Variants in DNAJC13 observed in about 807,000 individuals in gnomAD.
DNAJC13 encodes dnaJ homolog subfamily C member 13.
DNAJC13 carries 75 observed loss-of-function variants against 290.5 expected under a neutral mutation model. The observed-to-expected ratio is 0.26, with a 90% CI of 0.21 to 0.31. The LOEUF is 0.31. DNAJC13 is among the 10% of genes least tolerant of loss of function. The pLI is 1.00. For missense variants in DNAJC13, 2,260 were observed against 2,674.5 expected (o/e 0.85, Z 3.42); for synonymous variants, 862 against 892.0 (o/e 0.97, Z 0.60).
In DNAJC13 at chr3:132,522,900, G is replaced by A. The variant is rs1316193917; in HGVS notation, c.5746G>A (p.Val1916Ile). 6.2e-7 allele frequency: 1 copy of A among 1,613,410 alleles called. No individual in the cohort carries two copies. Among genetic ancestry groups the A allele is most frequent in the African/African-American group, 1.3e-5 (1 of 74,870 alleles). The change falls in exon 49 of 56, where the codon GTA becomes ATA. Residue 1916 changes from valine to isoleucine, a missense_variant. By Grantham distance (29) the Val-to-Ile change is conservative. Transcript: ENST00000260818. ...DAMRDNPEAA[V>I]HIFEGTHENP... is the part of the protein sequence containing the mutation. ...TATGAGAGACAATCCTGAAGCTGCT[G>A]TACATATTTTTGAAGGAACTCATGA...
chr3:132,471,877 T>TGG (rs1934278538), intron 20 of DNAJC13, among the ~76,000 whole-genome samples: 1 of 145,670 alleles, frequency 6.9e-6, no homozygotes, highest in Non-Finnish European at 1.5e-5. Flanking sequence ...CTCGGCACTT[T>TGG]GGGAGGCCAA....
At chr3:132,421,965 A>G (rs930692823) in intron 1 of DNAJC13, among the ~76,000 whole-genome samples, 1 of 152,098 alleles carries the variant, frequency 6.6e-6, no homozygotes, top group Non-Finnish European at 1.5e-5. Context: ...GGATTCATTC[A>G]TTATAAATAG....
chr3:132,531,476 A>C (rs1299571737), intron 55 of DNAJC13, among the ~76,000 whole-genome samples: 1 of 152,244 alleles, frequency 6.6e-6, no homozygotes, highest in African/African-American at 2.4e-5. Flanking sequence ...TAACAGATTA[A>C]AACTCCAAAT....
chr3:132,434,449 G>C (rs968326116), intron 1 of DNAJC13, 89 bp from the exon 2 acceptor site: 6 of 873,172 alleles, frequency 6.9e-6, no homozygotes, highest in African/African-American at 6.8e-5. Flanking sequence ...GAAAGTGAGA[G>C]AGCGATCTTG....
At chr3:132,431,121 G>C (rs1033866546) in intron 1 of DNAJC13, among the ~76,000 whole-genome samples, 1 of 152,208 alleles carries the variant, frequency 6.6e-6, no homozygotes, top group Non-Finnish European at 1.5e-5. Flanking sequence ...CATCAGGTTT[G>C]AAGTAGATAT....
At chr3:132,466,461 T>C (rs982615292) in intron 19 of DNAJC13, 67 bp downstream of exon 19, 6 of 1,286,674 alleles carry the variant, frequency 4.7e-6, no homozygotes, top group African/African-American at 1.5e-5. Context: ...ATGTCTTTTT[T>C]TGAAACACGT....
chr3:132,483,882 A>T (rs1164721180), intron 28 of DNAJC13, among the ~76,000 whole-genome samples: 1 of 152,224 alleles, frequency 6.6e-6, no homozygotes, highest in Non-Finnish European at 1.5e-5. Context: ...CAGTCCATAG[A>T]CAGTGGTGAA....
rs538583460 is a variant in DNAJC13 at position 132,449,125 on chromosome 3, G to A, written c.336+1186G>A. Among the ~76,000 whole-genome samples, 3 of 152,254 alleles carry A rather than the reference G, an allele frequency of 2.0e-5. No individual in the cohort carries two copies. The East Asian group carries it at 5.8e-4, about 29-fold the overall frequency. On this transcript the variant is annotated intron_variant, in intron 5 of 55. Transcript: ENST00000260818. ...ACATCAGGAGTAAGGGGCTCAAAGT[G>A]ACACCTGTATTGTCCTAATAACAAG...
At chr3:132,496,465 C>T (rs571563447) in intron 35 of DNAJC13, 63 bp from the exon 36 acceptor site, 1 of 1,415,590 alleles carries the variant, frequency 7.1e-7, no homozygotes, top group Admixed American at 2.2e-5. Flanking sequence ...AACCATATGT[C>T]TTGTTTAAGT....
At chr3:132,438,728 T>C (rs1179299075) in intron 2 of DNAJC13, among the ~76,000 whole-genome samples, 1 of 152,268 alleles carries the variant, frequency 6.6e-6, no homozygotes, top group African/African-American at 2.4e-5. Context: ...CATTATTACC[T>C]CACTTTATAG....
Position 132,468,954 on chromosome 3 carries a change from G to A in DNAJC13, c.2208+1641G>A, listed in dbSNP as rs1576478305. Among the ~76,000 whole-genome samples, 3 of 152,108 alleles carry A rather than the reference G, an allele frequency of 2.0e-5. No homozygotes were observed. The East Asian group carries it at 5.8e-4, about 29-fold the overall frequency. ...TATCCAGCATAAGCATGAACACAAA[G>A]CTCTAGTCTTAGCTAAAACTATGGA... On this transcript the variant is annotated intron_variant, in intron 20 of 55. Coordinates refer to ENST00000260818, the MANE Select transcript of DNAJC13 (RefSeq NM_015268.4).
intron 26 of DNAJC13, 66 bp from the exon 27 acceptor site, chr3:132,482,160 G>GT: frequency 2.9e-6 from 4 of 1,393,192 alleles, no homozygotes; most frequent in Non-Finnish European, 3.9e-6. Context: ...GTGCAACTTT[G>GT]TTTTACGACA....
chr3:132,456,953 G>T, intron 12 of DNAJC13, 121 bp downstream of exon 12: 1 of 1,123,796 alleles, frequency 8.9e-7, no homozygotes, highest in South Asian at 1.6e-5. Context: ...GGGTGATATG[G>T]TACTTTATTC....
chr3:132,487,342 C>T (rs1008114657), intron 29 of DNAJC13, among the ~76,000 whole-genome samples: 13 of 151,926 alleles, frequency 8.6e-5, no homozygotes, highest in African/African-American at 2.4e-4. Context: ...CTGCAACCTC[C>T]GCCTCCCGGG....
intron 48 of DNAJC13, among the ~76,000 whole-genome samples, chr3:132,517,623 C>T (rs375256733): frequency 9.9e-5 from 15 of 151,944 alleles, no homozygotes; most frequent in Non-Finnish European, 1.6e-4. Context: ...GAAGCCTATT[C>T]GGACTGATAT....
At chr3:132,500,727 C>T (rs953853998) in intron 38 of DNAJC13, 67 bp from the exon 39 acceptor site, 16 of 1,593,830 alleles carry the variant, frequency 1.0e-5, no homozygotes, top group Non-Finnish European at 1.4e-5. Flanking sequence ...GGTTTGATTT[C>T]TATGTGTTAA....
At chr3:132,500,011 G>T (rs983197741) in intron 38 of DNAJC13, among the ~76,000 whole-genome samples, 4 of 152,152 alleles carry the variant, frequency 2.6e-5, no homozygotes, top group Admixed American at 1.3e-4. Flanking sequence ...TGATGCTGCT[G>T]GTCTGTGTAT....
At chr3:132,439,756 A>T (rs1014315457) in intron 2 of DNAJC13, among the ~76,000 whole-genome samples, 12 of 152,116 alleles carry the variant, frequency 7.9e-5, no homozygotes, top group African/African-American at 2.7e-4. Context: ...GCTCTTACTG[A>T]GCTTTTAGGA....
chr3:132,533,254 A>G (rs1325225648), intron 55 of DNAJC13, among the ~76,000 whole-genome samples: 2 of 148,388 alleles, frequency 1.3e-5, no homozygotes, highest in African/African-American at 5.0e-5. Flanking sequence ...CTGGTCTCAA[A>G]CTCCTGACTT....
Sources: allele counts gnomAD v4.1 joint callset (sites outside exome capture counted in the v4.1 genomes callset), GRCh38; gene constraint gnomAD v4.1.1; transcripts MANE v1.5; gene names NCBI Gene and HGNC (gene_info 2026-07-23, HGNC 2026-07-21).